The following FAM13A variants were observed in gnomAD, a reference collection of about 807,000 sequenced individuals.
The protein encoded by FAM13A is protein FAM13A.
Under a neutral mutation model 129.6 loss-of-function variants are expected in FAM13A, and 76 were observed. That is an observed-to-expected ratio of 0.59 (90% CI 0.49 to 0.71). FAM13A has a LOEUF of 0.71. FAM13A is among the 30% of genes least tolerant of loss of function. The pLI is 0.00. For missense variants in FAM13A, 1,108 were observed against 1,249.3 expected, an observed-to-expected ratio of 0.89 and a Z score of 1.70; for synonymous variants, 443 against 449.9, an observed-to-expected ratio of 0.98 and a Z score of 0.20.
rs1158179811 is a variant in FAM13A, at chr4:88,987,838, C to CAAAAAAAAAAAAAAAAAA, written c.605+3134_605+3135insTTTTTTTTTTTTTTTTTT. 4.4e-4 allele frequency among the ~76,000 whole-genome samples: 31 copies of CAAAAAAAAAAAAAAAAAA among 71,140 alleles called. 1 individual carries two copies. The highest frequency in any genetic ancestry group is 7.6e-4 in the African/African-American group (13 of 17,078). 46.7% of individuals were successfully genotyped at this position (71,140 alleles called of 152,430 possible). A position where few individuals can be genotyped will look rare whatever the true frequency, so the allele number is the denominator to read the frequency against. ...GCCTGGGTGACAGTGAGACTCCTCT[C>CAAAAAAAAAAAAAAAAAA]AAAAAAAAAAAAAAAAACTTAATCT... On this transcript the variant is annotated intron_variant, in intron 4 of 23. Transcript: ENST00000264344.
chr4:89,029,573 A>G lies in FAM13A; in HGVS notation c.104T>C (p.Phe35Ser). The G allele has an allele frequency of 1.3e-6, 2 of 1,593,252 alleles. No homozygotes were observed. The highest frequency in any genetic ancestry group is 2.3e-5 in the South Asian group (2 of 87,294). ...VAVPLNEQKD[F>S]TYQKLFGVSL... ...GACTCCAAATAACTTCTGATAGGTAAAATCCTTCTGTTCATTTAATGGCAC... is the reference window on the plus strand; with the variant it reads ...GACTCCAAATAACTTCTGATAGGTAGAATCCTTCTGTTCATTTAATGGCAC... Residue 35 changes from phenylalanine (F) to serine (S), a missense_variant, in exon 2 of 24, where the codon TTT (phenylalanine) becomes TCT (serine). Phe to Ser is a radical substitution (Grantham distance 155). Coordinates refer to ENST00000264344, the MANE Select transcript of FAM13A (RefSeq NM_014883.4).
At chr4:88,750,668 G>A (rs762303600) in intron 14 of FAM13A, 31 bp from the exon 15 acceptor site, 1 of 1,520,196 alleles carries the variant, frequency 6.6e-7, no homozygotes, top group South Asian at 1.1e-5. Context: ...GATCAGGACT[G>A]TTCCTGAAAG....
At chr4:89,019,761 CA>C (rs61682568) in intron 3 of FAM13A, among the ~76,000 whole-genome samples, 4,457 of 57,796 alleles carry the variant, frequency 0.077, 25 homozygotes, top group Middle Eastern at 0.12. Flanking sequence ...AACTACATCT[CA>C]AAAAAAAAAA....
chr4:88,861,403 A>C (rs1425618348), intron 6 of FAM13A, among the ~76,000 whole-genome samples: 5 of 151,078 alleles, frequency 3.3e-5, no homozygotes, highest in Admixed American at 1.3e-4. Context: ...AAAAAAACTA[A>C]ACTAAACGAA....
At chr4:89,014,599 C>G (rs1766211572) in intron 3 of FAM13A, among the ~76,000 whole-genome samples, 1 of 152,124 alleles carries the variant, frequency 6.6e-6, no homozygotes, top group South Asian at 2.1e-4. Flanking sequence ...TTTATTAGTT[C>G]TCCAAATTAA....
chr4:88,893,622 C>CAATG (rs767710203), intron 6 of FAM13A, among the ~76,000 whole-genome samples: 363 of 127,536 alleles, frequency 2.8e-3, no homozygotes, highest in African/African-American at 0.01. Flanking sequence ...GACTCTGTCT[C>CAATG]AATGAATGAA....
At chr4:88,850,091 T>C (rs1173277470) in intron 7 of FAM13A, among the ~76,000 whole-genome samples, 1 of 152,210 alleles carries the variant, frequency 6.6e-6, no homozygotes, top group Non-Finnish European at 1.5e-5. Flanking sequence ...CTCTGTTTAA[T>C]GTCTTCTTTC....
intron 8 of FAM13A, among the ~76,000 whole-genome samples, chr4:88,803,616 T>C (rs939939732): frequency 1.3e-5 from 2 of 152,220 alleles, no homozygotes; most frequent in African/African-American, 4.8e-5. Context: ...AGCATCCTGA[T>C]GTGTTCACAG....
intron 1 of FAM13A, among the ~76,000 whole-genome samples, chr4:89,039,164 T>C (rs1056960878): frequency 1.3e-5 from 2 of 152,096 alleles, no homozygotes; most frequent in African/African-American, 4.8e-5. Context: ...AAAGAGACTG[T>C]GAAAAAAAGA....
At chr4:89,054,886 C>T (rs1772030148) in intron 1 of FAM13A, among the ~76,000 whole-genome samples, 1 of 152,100 alleles carries the variant, frequency 6.6e-6, no homozygotes, top group Non-Finnish European at 1.5e-5. Context: ...CCAGGCCATG[C>T]TCTTTGAACC....
intron 5 of FAM13A, among the ~76,000 whole-genome samples, chr4:88,911,235 T>G (rs1216157424): frequency 6.6e-6 from 1 of 152,200 alleles, no homozygotes; most frequent in Non-Finnish European, 1.5e-5. Context: ...ATCATTGCAT[T>G]CACCTCACAA....
chr4:89,031,524 A>G (rs1249276056), intron 1 of FAM13A, among the ~76,000 whole-genome samples: 1 of 152,162 alleles, frequency 6.6e-6, no homozygotes, highest in African/African-American at 2.4e-5. Context: ...AGAAATGTAC[A>G]AGGTAGAAAT....
rs1225141134 is a variant in FAM13A, at chr4:88,737,546, A to C, written c.2572T>G (p.Ser858Ala). The C allele has an allele frequency of 6.2e-7, 1 of 1,613,988 alleles. No individual in the cohort carries two copies. The highest frequency in any genetic ancestry group is 2.2e-5 in the East Asian group (1 of 44,886). ...AGCAAAGGGCTTCTCCGCTTGCTGGAGGGGGAACCCTGTGACAGGTGTTAA... is the reference window on the plus strand; with the variant it reads ...AGCAAAGGGCTTCTCCGCTTGCTGGCGGGGGAACCCTGTGACAGGTGTTAA... Reference protein sequence around the residue: ...ANTIPIIGSPSSKRRSPLLQP... With the variant: ...ANTIPIIGSPASKRRSPLLQP... Residue 858 changes from serine to alanine, a missense_variant, in exon 21 of 24, where the codon TCC becomes GCC. Around this residue, in one of 3 missense-constraint regions of FAM13A, gnomAD observed 529 missense variants for 621.2 expected, o/e 0.85. Transcript: ENST00000264344.
intron 5 of FAM13A, among the ~76,000 whole-genome samples, chr4:88,921,270 T>C (rs1407642022): frequency 1.3e-5 from 2 of 151,652 alleles, no homozygotes; most frequent in African/African-American, 4.8e-5. Flanking sequence ...AAAGTTGAAA[T>C]GAAGGAAAAA....
At chr4:88,805,888 G>A (rs1420482901) in intron 7 of FAM13A, among the ~76,000 whole-genome samples, 1 of 151,636 alleles carries the variant, frequency 6.6e-6, no homozygotes. Context: ...TGCTGGTCTT[G>A]AACTCCTGGG....
intron 7 of FAM13A, among the ~76,000 whole-genome samples, chr4:88,817,562 CA>C (rs377569584): frequency 0.046 from 5,085 of 109,814 alleles, 250 homozygotes; most frequent in African/African-American, 0.15. Flanking sequence ...GACTCTGTCT[CA>C]AAAAAAAAAA....
chr4:88,837,719 A>C (rs953654577), intron 7 of FAM13A, among the ~76,000 whole-genome samples: 1 of 47,132 alleles, frequency 2.1e-5, no homozygotes, highest in Non-Finnish European at 3.8e-5. Flanking sequence ...ACTCCGTCTC[A>C]AAAAAAAAAA....
At chr4:88,999,317 T>C (rs1010077148) in intron 3 of FAM13A, among the ~76,000 whole-genome samples, 1 of 152,128 alleles carries the variant, frequency 6.6e-6, no homozygotes, top group African/African-American at 2.4e-5. Context: ...GTCTAAATTA[T>C]AAAGCTGGAA....
intron 6 of FAM13A, among the ~76,000 whole-genome samples, chr4:88,862,527 A>G (rs1739659674): frequency 1.3e-5 from 2 of 152,214 alleles, no homozygotes; most frequent in Non-Finnish European, 2.9e-5. Context: ...GCATTTTATA[A>G]CAGTTATTAT....
Sources: allele counts gnomAD v4.1 joint callset (sites outside exome capture counted in the v4.1 genomes callset), GRCh38; gene constraint gnomAD v4.1.1; regional missense constraint gnomAD v4.1.1; transcripts MANE v1.5; gene names NCBI Gene and HGNC (gene_info 2026-07-23, HGNC 2026-07-21).